DGKB: variants seen among roughly 807,000 people sequenced by gnomAD.
The protein encoded by DGKB is diacylglycerol kinase beta.
A neutral mutation model predicts 114.3 loss-of-function variants in DGKB; 67 were observed. That is an observed-to-expected ratio of 0.59 (90% confidence interval 0.48 to 0.72). The LOEUF (loss-of-function observed/expected upper bound fraction) is 0.72, where lower values mean the gene tolerates loss of function less well. DGKB is among the 30% of genes least tolerant of loss of function. DGKB has a pLI of 0.00. For synonymous variants in DGKB, 398 were observed against 323.1 expected (o/e 1.23, Z -2.49); for missense variants, 907 against 975.2 (o/e 0.93, Z 0.93).
intron 1 of DGKB, among the ~76,000 whole-genome samples, chr7:14,874,790 A>C (rs887300580): frequency 1.3e-5 from 2 of 152,238 alleles, no homozygotes; most frequent in African/African-American, 4.8e-5. Flanking sequence ...TTCCAAATCA[A>C]TTCCCCCACA....
intron 2 of DGKB, among the ~76,000 whole-genome samples, chr7:14,782,647 G>A (rs1457222712): frequency 6.6e-6 from 1 of 152,126 alleles, no homozygotes; most frequent in Non-Finnish European, 1.5e-5. Context: ...TACAGGTGAT[G>A]AAGGAGAGAG....
chr7:14,679,024 A>T (rs1364541716), intron 12 of DGKB, among the ~76,000 whole-genome samples: 3 of 151,976 alleles, frequency 2.0e-5, no homozygotes, highest in African/African-American at 7.2e-5. Context: ...GGGAATAAAA[A>T]TCAGTCAGTT....
rs561484469 is a variant in DGKB at position 14,787,014 on chromosome 7, A to T, written c.71-29283T>A. Among the ~76,000 whole-genome samples the T allele has an allele frequency of 1.3e-5, 2 of 152,308 alleles. 1 individual carries two copies. Among genetic ancestry groups the T allele is most frequent in the South Asian group, 4.1e-4 (2 of 4,822 alleles). On this transcript the variant is annotated intron_variant, in intron 2 of 25. Coordinates refer to ENST00000402815, the MANE Select transcript of DGKB (RefSeq NM_001350709.2). ...AGCTATCCACTGTAAGTCTCTTCTT[A>T]GCTGAGAGTTGAGCAGATTTTGGGA...
rs141807197 is a variant in DGKB at position 14,324,927 on chromosome 7, C to T, written c.2122+13588G>A. ...ATAGAACTCTTTCAACCTTTCTTCT[C>T]GTATTGAGTCTACGTTAAAGTGCCA... On this transcript the variant is annotated intron_variant, in intron 23 of 25. Transcript: ENST00000402815. 6.6e-5 allele frequency among the ~76,000 whole-genome samples: 10 copies of T among 152,232 alleles called. No individual in the cohort carries two copies. In the East Asian group the frequency reaches 1.2e-3, roughly 18 times the overall value.
At chr7:14,399,966 A>G (rs1350030128) in intron 21 of DGKB, among the ~76,000 whole-genome samples, 1 of 151,940 alleles carries the variant, frequency 6.6e-6, no homozygotes, top group Non-Finnish European at 1.5e-5. Context: ...AAAAAACACC[A>G]TAAATTTTGA....
intron 23 of DGKB, among the ~76,000 whole-genome samples, chr7:14,241,429 T>C (rs1272275081): frequency 1.3e-5 from 2 of 151,268 alleles, no homozygotes; most frequent in Admixed American, 6.6e-5. Flanking sequence ...ATATAAATGT[T>C]ATGTTCCTAA....
chr7:14,383,484 G>A (rs2128688282), intron 21 of DGKB, among the ~76,000 whole-genome samples: 1 of 152,262 alleles, frequency 6.6e-6, no homozygotes, highest in Non-Finnish European at 1.5e-5. Flanking sequence ...AGTAAGTCAG[G>A]AAGTGTGTAG....
At chr7:14,788,456 T>C (rs1720651695) in intron 2 of DGKB, among the ~76,000 whole-genome samples, 1 of 152,144 alleles carries the variant, frequency 6.6e-6, no homozygotes, top group Admixed American at 6.5e-5. Flanking sequence ...GACAGCAAAA[T>C]AGTTGTCTGT....
chr7:14,657,256 G>A (rs1816036363), intron 13 of DGKB, among the ~76,000 whole-genome samples: 2 of 151,332 alleles, frequency 1.3e-5, no homozygotes, highest in African/African-American at 2.4e-5. Context: ...TTTGAATAGT[G>A]AGAATGTAAT....
At chr7:14,368,239 C>G (rs1200580595) in intron 21 of DGKB, among the ~76,000 whole-genome samples, 2 of 151,854 alleles carry the variant, frequency 1.3e-5, no homozygotes, top group African/African-American at 2.4e-5. Flanking sequence ...CACCCCAAAT[C>G]CAGAGTTTTC....
chr7:14,693,352 A>G (rs1823224798), intron 9 of DGKB, among the ~76,000 whole-genome samples: 1 of 152,064 alleles, frequency 6.6e-6, no homozygotes, highest in African/African-American at 2.4e-5. Flanking sequence ...AATAACTGAA[A>G]TCTGCTTCAA....
At chr7:14,320,943 A>T (rs1449322558) in intron 23 of DGKB, among the ~76,000 whole-genome samples, 2 of 152,222 alleles carry the variant, frequency 1.3e-5, no homozygotes, top group Non-Finnish European at 2.9e-5. Flanking sequence ...ATAACAAGAT[A>T]ATACAACATT....
chr7:14,914,038 T>C (rs1784119403), intron 1 of DGKB, among the ~76,000 whole-genome samples: 1 of 152,174 alleles, frequency 6.6e-6, no homozygotes, highest in Non-Finnish European at 1.5e-5. Context: ...AAAATTACTT[T>C]CCCTCATGCT....
At chr7:14,686,414 A>T (rs1292479995) in intron 9 of DGKB, among the ~76,000 whole-genome samples, 1 of 152,186 alleles carries the variant, frequency 6.6e-6, no homozygotes, top group Non-Finnish European at 1.5e-5. Context: ...ATCAAATTAT[A>T]TCAAACAGAT....
At chr7:14,878,171 C>A (rs534062624) in intron 1 of DGKB, among the ~76,000 whole-genome samples, 2 of 151,906 alleles carry the variant, frequency 1.3e-5, no homozygotes, top group African/African-American at 4.8e-5. Flanking sequence ...ATCTATAAAC[C>A]AAGTTGGCAA....
intron 20 of DGKB, among the ~76,000 whole-genome samples, chr7:14,566,593 T>C (rs1797418225): frequency 6.6e-6 from 1 of 152,190 alleles, no homozygotes; most frequent in South Asian, 2.1e-4. Flanking sequence ...CTAATGATAA[T>C]TATTTAATTA....
chr7:14,608,395 T>A (rs1237081653), intron 16 of DGKB, among the ~76,000 whole-genome samples: 2 of 151,762 alleles, frequency 1.3e-5, no homozygotes, highest in Non-Finnish European at 2.9e-5. Flanking sequence ...AATCCTGTCA[T>A]GAAAAAAAAT....
chr7:14,709,236 C>G (rs71538884), intron 6 of DGKB, among the ~76,000 whole-genome samples: 62,608 of 151,512 alleles, frequency 0.41, 14,792 homozygotes, highest in East Asian at 0.85. Context: ...CACTGGCCAT[C>G]AGAGAAATGC....
At chr7:14,289,570 A>AG (rs1395079285) in intron 23 of DGKB, among the ~76,000 whole-genome samples, 7 of 152,144 alleles carry the variant, frequency 4.6e-5, no homozygotes, top group Non-Finnish European at 1.0e-4. Flanking sequence ...GTCATCAGTG[A>AG]TTTGAAAGAA....
Sources: allele counts gnomAD v4.1 joint callset (sites outside exome capture counted in the v4.1 genomes callset), GRCh38; gene constraint gnomAD v4.1.1; transcripts MANE v1.5; gene names NCBI Gene and HGNC (gene_info 2026-07-23, HGNC 2026-07-21).